ADAMTS17: variants seen among roughly 807,000 people sequenced by gnomAD.
The protein encoded by ADAMTS17 is ADAM metallopeptidase with thrombospondin type 1 motif 17, also known as A disintegrin and metalloproteinase with thrombospondin motifs 17.
A neutral mutation model predicts 141.5 loss-of-function variants in ADAMTS17; 113 were observed. The observed-to-expected ratio is 0.80, with a 90% CI of 0.69 to 0.93. The LOEUF is 0.93. ADAMTS17 is among the 40% of genes least tolerant of loss of function. ADAMTS17 has a pLI of 0.00. For synonymous variants in ADAMTS17, 768 were observed against 630.6 expected (o/e 1.22, Z -3.27); for missense variants, 1,659 against 1,517.9 (o/e 1.09, Z -1.54).
chr15:100,003,078 G>A (rs2060961932), intron 18 of ADAMTS17, among the ~76,000 whole-genome samples: 1 of 151,976 alleles, frequency 6.6e-6, no homozygotes, highest in Non-Finnish European at 1.5e-5. Flanking sequence ...ATGTCCTGGG[G>A]CCCCTGGAAT....
At chr15:100,216,944 C>T (rs1266744177) in intron 7 of ADAMTS17, among the ~76,000 whole-genome samples, 7 of 152,180 alleles carry the variant, frequency 4.6e-5, no homozygotes, top group Non-Finnish European at 1.0e-4. Context: ...GGGTGCCTTC[C>T]TGCTCTAGAC....
intron 7 of ADAMTS17, among the ~76,000 whole-genome samples, chr15:100,224,309 G>A (rs555730725): frequency 2.0e-5 from 3 of 152,282 alleles, no homozygotes; most frequent in African/African-American, 7.2e-5. Context: ...AGTGCAGTGA[G>A]TACAGGAGGG....
chr15:100,066,244 G>T (rs1232547129), intron 15 of ADAMTS17, among the ~76,000 whole-genome samples: 3 of 152,098 alleles, frequency 2.0e-5, no homozygotes, highest in Admixed American at 6.5e-5. Context: ...TCATGAAGAG[G>T]TATTAAAGTT....
intron 20 of ADAMTS17, among the ~76,000 whole-genome samples, chr15:99,987,802 G>C (rs2060620084): frequency 6.6e-6 from 1 of 152,150 alleles, no homozygotes. Flanking sequence ...TCTGGGGAGA[G>C]GGTAGTGAGG....
At chr15:99,980,680 C>T (rs989370901) in intron 20 of ADAMTS17, 2 of 152,246 alleles carry the variant, frequency 1.3e-5, no homozygotes, top group Admixed American at 1.3e-4. Flanking sequence ...GGAAGGGCTT[C>T]CGTTTCTTCT....
At chr15:100,287,511 C>T (rs1427406287) in intron 3 of ADAMTS17, among the ~76,000 whole-genome samples, 1 of 152,138 alleles carries the variant, frequency 6.6e-6, no homozygotes, top group Non-Finnish European at 1.5e-5. Context: ...GAGAGGACAA[C>T]ATTCAAATTC....
In ADAMTS17 at chr15:100,221,080, A is replaced by T. The variant is rs183964073; in HGVS notation, c.1076-21657T>A. ...AACTCTATGTTTAATTTCTTGAGGA[A>T]CTGGGAACATGCTTCCTGATTTCCA... On this transcript the variant is annotated intron_variant, in intron 7 of 21. Coordinates refer to ENST00000268070, the MANE Select transcript of ADAMTS17 (RefSeq NM_139057.4). Among the ~76,000 whole-genome samples the T allele has an allele frequency of 3.4e-3, 520 of 152,312 alleles. 1 individual carries two copies. Among genetic ancestry groups the T allele is most frequent in the Non-Finnish European group, 5.6e-3 (378 of 68,038 alleles).
intron 18 of ADAMTS17, among the ~76,000 whole-genome samples, chr15:100,008,409 C>T (rs1461519923): frequency 6.6e-6 from 1 of 152,298 alleles, no homozygotes; most frequent in East Asian, 1.9e-4. Context: ...ACCCTGCCCA[C>T]AGGTGGTGCC....
intron 4 of ADAMTS17, among the ~76,000 whole-genome samples, chr15:100,269,649 C>G (rs540520527): frequency 6.6e-6 from 1 of 152,138 alleles, no homozygotes; most frequent in Non-Finnish European, 1.5e-5. Flanking sequence ...GCTCTGATTC[C>G]TGGAGGAGGG....
chr15:100,257,959 A>G (rs2043382042), intron 6 of ADAMTS17, among the ~76,000 whole-genome samples: 1 of 152,070 alleles, frequency 6.6e-6, no homozygotes, highest in Non-Finnish European at 1.5e-5. Flanking sequence ...CTTTATCTCT[A>G]CGAATCTGAC....
At chr15:100,129,115 G>A (rs552312961) in intron 12 of ADAMTS17, 1 of 152,310 alleles carries the variant, frequency 6.6e-6, no homozygotes, top group South Asian at 2.1e-4. Context: ...GACATTCAGA[G>A]GTTCTGATAT....
intron 8 of ADAMTS17, among the ~76,000 whole-genome samples, chr15:100,196,065 C>G (rs1167494819): frequency 6.6e-6 from 1 of 152,180 alleles, no homozygotes; most frequent in Non-Finnish European, 1.5e-5. Context: ...TAAACAAGAG[C>G]TCTGACCTGA....
Position 100,341,279 on chromosome 15 carries a change from G to A in ADAMTS17, c.210C>T (p.Ala70=), listed in dbSNP as rs902318242. 3.4e-6 allele frequency: 4 copies of A among 1,177,626 alleles called. No individual in the cohort carries two copies. The African/African-American group carries it at 4.9e-5, about 14-fold the overall frequency. 72.9% of individuals were successfully genotyped at this position (1,177,626 alleles called of 1,614,324 possible). A position where few individuals can be genotyped will look rare whatever the true frequency, so the allele number is the denominator to read the frequency against. The change falls in exon 2 of 22, where the codon GCC becomes GCT. Residue 70 remains alanine, a synonymous_variant. Coordinates refer to ENST00000268070, the MANE Select transcript of ADAMTS17 (RefSeq NM_139057.4). ...RRRRRPRTPP[A]APRARPGERA... ...GCTCTCCGGGCCGGGCGCGCGGGGCGGCTGGGGGCGTGCGGGGGCGTCGCC... is the reference window on the plus strand; with the variant it reads ...GCTCTCCGGGCCGGGCGCGCGGGGCAGCTGGGGGCGTGCGGGGGCGTCGCC...
intron 15 of ADAMTS17, among the ~76,000 whole-genome samples, chr15:100,085,511 C>G (rs1050823247): frequency 6.6e-6 from 1 of 151,672 alleles, no homozygotes; most frequent in Admixed American, 6.6e-5. Flanking sequence ...AGATACTCCT[C>G]GAGAAGAGCG....
At chr15:100,015,506 G>A (rs1375303982) in intron 18 of ADAMTS17, among the ~76,000 whole-genome samples, 4 of 152,110 alleles carry the variant, frequency 2.6e-5, no homozygotes, top group African/African-American at 4.8e-5. Context: ...ATGTGTTTCC[G>A]GAATTTGTTT....
At chr15:100,271,449 G>A (rs1416764291) in intron 4 of ADAMTS17, among the ~76,000 whole-genome samples, 1 of 152,038 alleles carries the variant, frequency 6.6e-6, no homozygotes, top group African/African-American at 2.4e-5. Context: ...GATGTGAAGT[G>A]GTACTTTATT....
At position 100,296,129 on chromosome 15, in the gene ADAMTS17, G is replaced by C. The variant is rs1007940364; in HGVS notation, c.617-14728C>G. Among the ~76,000 whole-genome samples the C allele has an allele frequency of 2.0e-5, 3 of 152,092 alleles. No homozygotes were observed. The East Asian group carries it at 5.8e-4, about 29-fold the overall frequency. On this transcript the variant is annotated intron_variant, in intron 3 of 21. Transcript: ENST00000268070. ...CGGGGTCAATGTGGGAAACGTACTC[G>C]AGAAGGAAACCCAAGCCAAGCAGTG...
At chr15:100,321,827 C>T (rs151006276) in intron 3 of ADAMTS17, among the ~76,000 whole-genome samples, 151 of 152,330 alleles carry the variant, frequency 9.9e-4, no homozygotes, top group African/African-American at 3.5e-3. Context: ...TCTGACATCA[C>T]ACTAACTTCA....
At chr15:100,267,347 CA>C (rs1237958318) in intron 4 of ADAMTS17, among the ~76,000 whole-genome samples, 1 of 152,272 alleles carries the variant, frequency 6.6e-6, no homozygotes, top group East Asian at 1.9e-4. Flanking sequence ...ATTGTATGGA[CA>C]CCCCACGTTT....
Sources: gnomAD v4.1 joint callset for allele counts (sites outside exome capture counted in the v4.1 genomes callset) on GRCh38, gnomAD v4.1.1 for gene constraint, MANE v1.5 for transcripts, NCBI Gene and HGNC (gene_info 2026-07-23, HGNC 2026-07-21) for gene names.